The following PTPRD variants were observed in gnomAD, a reference collection of about 807,000 sequenced individuals.
PTPRD encodes the protein protein tyrosine phosphatase receptor type D.
Under a neutral mutation model 214.5 loss-of-function variants are expected in PTPRD, and 34 were observed. The ratio of observed to expected loss-of-function variants is 0.16; its 90% CI spans 0.12 to 0.21. The LOEUF (loss-of-function observed/expected upper bound fraction) is 0.21, where lower values mean the gene tolerates loss of function less well. Ranked by LOEUF, PTPRD falls within the 10% of genes least tolerant of loss-of-function variation. The pLI is 1.00. For missense variants in PTPRD, 2,545 were observed against 2,398.7 expected (o/e 1.06, Z -1.27); for synonymous variants, 1,128 against 845.7 (o/e 1.33, Z -5.79).
chr9:8,924,180 G>A (rs1407303512), intron 11 of PTPRD, among the ~76,000 whole-genome samples: 3 of 152,078 alleles, frequency 2.0e-5, no homozygotes, highest in Non-Finnish European at 4.4e-5. Context: ...CTGAGAAAGG[G>A]AGTTTAAATA....
intron 9 of PTPRD, among the ~76,000 whole-genome samples, chr9:9,369,970 A>C (rs1208788758): frequency 6.6e-6 from 1 of 152,056 alleles, no homozygotes; most frequent in Non-Finnish European, 1.5e-5. Context: ...ATTGATCTAT[A>C]TCTCTGTTTT....
intron 7 of PTPRD, among the ~76,000 whole-genome samples, chr9:9,608,053 T>A (rs1244221848): frequency 6.6e-6 from 1 of 152,172 alleles, no homozygotes; most frequent in Non-Finnish European, 1.5e-5. Context: ...CATCTAATCA[T>A]GAAACTCAAA....
At chr9:8,409,889 C>CGTTA (rs2093370438) in intron 35 of PTPRD, among the ~76,000 whole-genome samples, 1 of 152,152 alleles carries the variant, frequency 6.6e-6, no homozygotes, top group Non-Finnish European at 1.5e-5. Flanking sequence ...TCAGACTAAC[C>CGTTA]ATTCTTTTTA....
intron 5 of PTPRD, among the ~76,000 whole-genome samples, chr9:9,933,654 C>T (rs2087814035): frequency 1.3e-5 from 2 of 148,670 alleles, no homozygotes; most frequent in African/African-American, 5.2e-5. Flanking sequence ...CCACTGTCAA[C>T]ATTAGACAGA....
chr9:9,181,008 C>T (rs1321306270), intron 10 of PTPRD, among the ~76,000 whole-genome samples: 2 of 151,992 alleles, frequency 1.3e-5, no homozygotes, highest in East Asian at 1.9e-4. Context: ...CTCAGAGTTC[C>T]GTCTTCGGTA....
rs149031628 is a variant in PTPRD, at chr9:8,365,756, C to T, written c.4661+10180G>A. 8.7e-3 allele frequency among the ~76,000 whole-genome samples: 1,330 copies of T among 152,242 alleles called. 47 individuals are homozygous for T. The highest frequency in any genetic ancestry group is 0.06 in the Admixed American group (917 of 15,292). On this transcript the variant is annotated intron_variant, in intron 39 of 45. Transcript: ENST00000381196. ...CAGCAAAAGCAATTGTCTCAAAAGGCCTTGTAGCTTCCCCTTTGATGTCCT... is the reference window on the plus strand; with the variant it reads ...CAGCAAAAGCAATTGTCTCAAAAGGTCTTGTAGCTTCCCCTTTGATGTCCT...
At chr9:8,808,162 C>G (rs1384903694) in intron 11 of PTPRD, among the ~76,000 whole-genome samples, 2 of 152,118 alleles carry the variant, frequency 1.3e-5, no homozygotes, top group Admixed American at 6.5e-5. Context: ...GTTCACATGT[C>G]TAACCGATTT....
At chr9:8,563,288 G>C (rs1003640701) in intron 14 of PTPRD, among the ~76,000 whole-genome samples, 5 of 152,064 alleles carry the variant, frequency 3.3e-5, no homozygotes, top group Admixed American at 2.0e-4. Context: ...AAGTTTCGCA[G>C]GTCTATGCAT....
intron 3 of PTPRD, among the ~76,000 whole-genome samples, chr9:10,317,149 T>C (rs529258872): frequency 1.3e-5 from 2 of 152,026 alleles, no homozygotes; most frequent in South Asian, 2.1e-4. Flanking sequence ...GAAACACTAA[T>C]GCAAAAACCT....
chr9:9,890,741 A>G (rs181006904), intron 5 of PTPRD, among the ~76,000 whole-genome samples: 1 of 152,104 alleles, frequency 6.6e-6, no homozygotes, highest in East Asian at 1.9e-4. Flanking sequence ...GAAACACACC[A>G]TCAATCGGAA....
chr9:9,575,715 C>G (rs1405118954), intron 7 of PTPRD, among the ~76,000 whole-genome samples: 1 of 17,700 alleles, frequency 5.6e-5, no homozygotes, highest in Non-Finnish European at 9.3e-5. Flanking sequence ...GCAAGACTGT[C>G]TCAAAAAAAA....
chr9:10,515,914 CT>C (rs538646480), intron 2 of PTPRD, among the ~76,000 whole-genome samples: 1 of 151,816 alleles, frequency 6.6e-6, no homozygotes, highest in Non-Finnish European at 1.5e-5. Flanking sequence ...GCAGAATTTT[CT>C]TTTTTATGGC....
chr9:9,947,585 ATT>A (rs370231835), intron 4 of PTPRD, among the ~76,000 whole-genome samples: 1,585 of 44,966 alleles, frequency 0.035, 46 homozygotes, highest in Non-Finnish European at 0.045. Flanking sequence ...TTATATATAT[ATT>A]ATATATATAA....
intron 9 of PTPRD, among the ~76,000 whole-genome samples, chr9:9,255,136 C>A (rs2099977168): frequency 6.6e-6 from 1 of 151,854 alleles, no homozygotes; most frequent in South Asian, 2.1e-4. Flanking sequence ...GCAAACAGAC[C>A]CAGAAGAAAA....
intron 11 of PTPRD, among the ~76,000 whole-genome samples, chr9:8,932,922 A>G (rs1202439522): frequency 1.3e-5 from 2 of 152,026 alleles, no homozygotes; most frequent in Non-Finnish European, 2.9e-5. Flanking sequence ...GAGGTATGAA[A>G]AACTCCTGCA....
chr9:9,152,010 A>G (rs2099877223), intron 10 of PTPRD, among the ~76,000 whole-genome samples: 1 of 152,190 alleles, frequency 6.6e-6, no homozygotes, highest in East Asian at 1.9e-4. Context: ...TAGATGAGTG[A>G]GAGTAACACA....
intron 5 of PTPRD, among the ~76,000 whole-genome samples, chr9:9,900,195 T>G (rs1471425019): frequency 2.0e-5 from 3 of 152,220 alleles, no homozygotes; most frequent in Non-Finnish European, 4.4e-5. Context: ...TTCCAAATTT[T>G]TATGCTCTGC....
At chr9:9,243,213 CA>C (rs2099971267) in intron 9 of PTPRD, among the ~76,000 whole-genome samples, 2 of 152,032 alleles carry the variant, frequency 1.3e-5, no homozygotes, top group South Asian at 4.1e-4. Context: ...ACCAGAGGTA[CA>C]AGGAGGAGCT....
At chr9:8,658,967 C>T (rs748882515) in intron 12 of PTPRD, among the ~76,000 whole-genome samples, 5 of 152,130 alleles carry the variant, frequency 3.3e-5, no homozygotes, top group Non-Finnish European at 7.3e-5. Flanking sequence ...ATAGCATCTC[C>T]TCTAATCGTT....
Sources: gnomAD v4.1 joint callset for allele counts (sites outside exome capture counted in the v4.1 genomes callset) on GRCh38, gnomAD v4.1.1 for gene constraint, MANE v1.5 for transcripts, NCBI Gene and HGNC (gene_info 2026-07-23, HGNC 2026-07-21) for gene names.